Variants in ANKRD13C observed in about 807,000 individuals in gnomAD.
ANKRD13C encodes the protein ankyrin repeat domain-containing protein 13C.
ANKRD13C carries 16 observed loss-of-function variants against 65.5 expected under a neutral mutation model. That is an observed-to-expected ratio of 0.24 (90% CI 0.17 to 0.37). The LOEUF (loss-of-function observed/expected upper bound fraction) is 0.37. ANKRD13C is among the 10% of genes least tolerant of loss of function. The pLI, the probability that ANKRD13C is intolerant of heterozygous loss-of-function variation, is 1.00. For missense variants in ANKRD13C, 503 were observed against 655.9 expected (o/e 0.77, Z 2.55); for synonymous variants, 235 against 238.7 (o/e 0.98, Z 0.14).
chr1:70,351,233 T>A (rs1335721446), intron 1 of ANKRD13C, among the ~76,000 whole-genome samples: 3 of 152,226 alleles, frequency 2.0e-5, no homozygotes, highest in Admixed American at 6.5e-5. Flanking sequence ...ACAATAATCA[T>A]CACTGTCATC....
chr1:70,283,023 C>T (rs1572049203), intron 9 of ANKRD13C, among the ~76,000 whole-genome samples: 1 of 152,242 alleles, frequency 6.6e-6, no homozygotes, highest in Non-Finnish European at 1.5e-5. Context: ...ATACATTCCC[C>T]ATCTTAGTAA....
At chr1:70,347,648 G>T (rs1382511577) in intron 1 of ANKRD13C, among the ~76,000 whole-genome samples, 3 of 152,184 alleles carry the variant, frequency 2.0e-5, no homozygotes, top group East Asian at 1.9e-4. Context: ...AGCAGTGGGT[G>T]AAGTTCTATA....
intron 2 of ANKRD13C, among the ~76,000 whole-genome samples, chr1:70,330,349 G>A (rs1046575965): frequency 7.9e-5 from 12 of 152,038 alleles, no homozygotes; most frequent in Non-Finnish European, 1.5e-4. Flanking sequence ...CCTGAGGTAC[G>A]GGGTTTGAGA....
intron 1 of ANKRD13C, among the ~76,000 whole-genome samples, chr1:70,346,871 C>A (rs1682547664): frequency 6.6e-6 from 1 of 151,968 alleles, no homozygotes; most frequent in African/African-American, 2.4e-5. Flanking sequence ...GCGGGTGGAT[C>A]ACGAGGTCAG....
At chr1:70,276,629 G>T in intron 10 of ANKRD13C, 136 bp downstream of exon 10, 1 of 716,972 alleles carries the variant, frequency 1.4e-6, no homozygotes. Context: ...TTTTTAAAAG[G>T]TAGAAGAATT....
At chr1:70,295,713 G>A (rs958639962) in intron 8 of ANKRD13C, among the ~76,000 whole-genome samples, 11 of 152,062 alleles carry the variant, frequency 7.2e-5, no homozygotes, top group African/African-American at 2.7e-4. Flanking sequence ...TTACTCATAT[G>A]TATAGAATAC....
chr1:70,272,175 T>C (rs269271), intron 11 of ANKRD13C, among the ~76,000 whole-genome samples: 45,405 of 150,562 alleles, frequency 0.3, 6,975 homozygotes, highest in South Asian at 0.38. Context: ...TTTTTTTTTT[T>C]CTGAACTTTT....
At chr1:70,316,438 C>T (rs1681076774) in intron 3 of ANKRD13C, among the ~76,000 whole-genome samples, 1 of 151,554 alleles carries the variant, frequency 6.6e-6, no homozygotes, top group Admixed American at 6.6e-5. Context: ...GTCCCAGCTA[C>T]TCAGGAGGTT....
chr1:70,278,223 T>C (rs1427515908), intron 9 of ANKRD13C, among the ~76,000 whole-genome samples: 1 of 147,708 alleles, frequency 6.8e-6, no homozygotes, highest in Non-Finnish European at 1.5e-5. Flanking sequence ...CCAGGCGTGG[T>C]GGCTCATGCC....
intron 6 of ANKRD13C, among the ~76,000 whole-genome samples, chr1:70,304,434 T>C (rs959835482): frequency 2.0e-5 from 3 of 152,086 alleles, no homozygotes; most frequent in African/African-American, 7.2e-5. Context: ...TCTTACTCTG[T>C]TGCCCAGGCT....
At chr1:70,286,330 G>A (rs1679622752) in intron 9 of ANKRD13C, among the ~76,000 whole-genome samples, 1 of 151,754 alleles carries the variant, frequency 6.6e-6, no homozygotes. Flanking sequence ...CATATAAAAA[G>A]GCACATTTTC....
chr1:70,272,841 A>T (rs1678951693), intron 11 of ANKRD13C, among the ~76,000 whole-genome samples: 1 of 151,838 alleles, frequency 6.6e-6, no homozygotes, highest in Admixed American at 6.6e-5. Context: ...TACAGAAATT[A>T]TCCAGGCGTG....
chr1:70,309,933 T>C (rs1427220457), intron 5 of ANKRD13C, among the ~76,000 whole-genome samples: 1 of 152,176 alleles, frequency 6.6e-6, no homozygotes, highest in African/African-American at 2.4e-5. Context: ...AATGATTTTA[T>C]TTCATATACA....
At chr1:70,306,680 T>C (rs750091806) in intron 5 of ANKRD13C, among the ~76,000 whole-genome samples, 25 of 152,170 alleles carry the variant, frequency 1.6e-4, no homozygotes, top group Non-Finnish European at 3.1e-4. Flanking sequence ...TTGGAAAAAT[T>C]GCAGTAAAGT....
intron 1 of ANKRD13C, among the ~76,000 whole-genome samples, chr1:70,351,476 T>C (rs1187634373): frequency 6.6e-6 from 1 of 152,200 alleles, no homozygotes; most frequent in Non-Finnish European, 1.5e-5. Flanking sequence ...CTTGGCTCAC[T>C]GCAACCTCAG....
At chr1:70,278,023 TAA>T (rs759226869) in intron 9 of ANKRD13C, among the ~76,000 whole-genome samples, 7 of 138,478 alleles carry the variant, frequency 5.1e-5, no homozygotes, top group Non-Finnish European at 7.9e-5. Context: ...CTCTGTTTCT[TAA>T]AAAAAAAAAA....
chr1:70,348,561 T>G (rs1423282728), intron 1 of ANKRD13C, among the ~76,000 whole-genome samples: 1 of 152,214 alleles, frequency 6.6e-6, no homozygotes, highest in Non-Finnish European at 1.5e-5. Context: ...TGAGCCACCA[T>G]GCCCAGCCTG....
intron 9 of ANKRD13C, among the ~76,000 whole-genome samples, chr1:70,282,458 A>G (rs1436629338): frequency 1.3e-5 from 2 of 152,210 alleles, no homozygotes; most frequent in Non-Finnish European, 2.9e-5. Context: ...GAGCAGAGAA[A>G]AACCACACAA....
chr1:70,339,370 T>A (rs1572169668), intron 1 of ANKRD13C, among the ~76,000 whole-genome samples: 1 of 147,958 alleles, frequency 6.8e-6, no homozygotes, highest in Middle Eastern at 3.5e-3. Flanking sequence ...CAGGCTGGAG[T>A]GCAGTGGCAC....
Sources: allele counts gnomAD v4.1 joint callset (sites outside exome capture counted in the v4.1 genomes callset), GRCh38; gene constraint gnomAD v4.1.1; transcripts MANE v1.5; gene names NCBI Gene and HGNC (gene_info 2026-07-23, HGNC 2026-07-21).